The following ZNF680 variants were observed in gnomAD, a reference collection of about 807,000 sequenced individuals.
ZNF680 encodes the protein zinc finger protein 680.
A neutral mutation model predicts 12.1 loss-of-function variants in ZNF680; 6 were observed. The observed-to-expected ratio is 0.49, with a 90% CI of 0.27 to 0.98. ZNF680 has a LOEUF of 0.98. Among genes scored for constraint, ZNF680 ranks in the 50% least tolerant of loss-of-function variants. The probability of loss-of-function intolerance (pLI) is 0.12; values close to 1 mark genes in which losing one functional copy is unlikely to be tolerated. For missense variants in ZNF680, 561 were observed against 616.3 expected (o/e 0.91, Z 0.95); for synonymous variants, 170 against 199.3 (o/e 0.85, Z 1.24).
chr7:64,549,274 T>G (rs1786945460), intron 1 of ZNF680, among the ~76,000 whole-genome samples: 1 of 152,132 alleles, frequency 6.6e-6, no homozygotes, highest in African/African-American at 2.4e-5. Flanking sequence ...GGTCATGGCT[T>G]TGGATACTCT....
At chr7:64,546,184 T>C (rs1203944939) in intron 1 of ZNF680, among the ~76,000 whole-genome samples, 1 of 152,196 alleles carries the variant, frequency 6.6e-6, no homozygotes, top group Non-Finnish European at 1.5e-5. Flanking sequence ...GACACAGCTC[T>C]TGATCTGAGA....
At chr7:64,537,186 T>C (rs1047567838) in intron 3 of ZNF680, among the ~76,000 whole-genome samples, 9 of 152,106 alleles carry the variant, frequency 5.9e-5, no homozygotes, top group African/African-American at 2.2e-4. Flanking sequence ...TCCAAAAATA[T>C]ATGAAAATGA....
At chr7:64,523,715 C>T (rs998971327) in intron 3 of ZNF680, among the ~76,000 whole-genome samples, 3 of 151,888 alleles carry the variant, frequency 2.0e-5, no homozygotes, top group Non-Finnish European at 4.4e-5. Context: ...AGATTGAGAC[C>T]ATCCTGGCTA....
chr7:64,519,296 C>G (rs1029378904), downstream of ZNF680, among the ~76,000 whole-genome samples: 4 of 151,832 alleles, frequency 2.6e-5, no homozygotes, highest in African/African-American at 9.7e-5. Flanking sequence ...ATGATACCAC[C>G]TCACTCCTGC....
At chr7:64,515,073 CAG>C (rs1554321330), downstream of ZNF680, among the ~76,000 whole-genome samples, 172 of 150,126 alleles carry the variant, frequency 1.1e-3, 1 homozygote, top group African/African-American at 4.0e-3. Flanking sequence ...CACACACACA[CAG>C]ACACACCCAC....
chr7:64,500,184 T>A, the ZNF680 span, among the ~76,000 whole-genome samples: 52 of 152,300 alleles, frequency 3.4e-4, no homozygotes, highest in East Asian at 6.4e-3. Context: ...TTAATTCTTA[T>A]ACCAAGGATG....
chr7:64,556,303 C>A (rs1237286933), intron 1 of ZNF680, among the ~76,000 whole-genome samples: 6 of 142,672 alleles, frequency 4.2e-5, no homozygotes, highest in Non-Finnish European at 6.2e-5. Flanking sequence ...TATATGAAAC[C>A]GAAAAAAAAC....
At position 64,522,223 on chromosome 7, in the gene ZNF680, A is replaced by G; in HGVS notation, c.531T>C (p.Thr177=). 1 of 1,612,552 alleles carries G rather than the reference A, an allele frequency of 6.2e-7. No individual in the cohort carries two copies. Among genetic ancestry groups the G allele is most frequent in the South Asian group, 1.1e-5 (1 of 90,998 alleles). ...CTTTACATTTGAAAACCTTCTTTCCAGTATTTCTTTTCTTATGACTGTTTG... is the reference window on the plus strand; with the variant it reads ...CTTTACATTTGAAAACCTTCTTTCCGGTATTTCTTTTCTTATGACTGTTTG... ...SNSNSHKKRN[T]GKKVFKCKEC... The change falls in exon 4 of 4, where the codon ACT becomes ACC. Residue 177 remains threonine (T), a synonymous_variant. Coordinates refer to ENST00000309683, the MANE Select transcript of ZNF680 (RefSeq NM_178558.5).
chr7:64,550,545 C>T (rs1319056926), intron 1 of ZNF680, among the ~76,000 whole-genome samples: 5 of 152,140 alleles, frequency 3.3e-5, no homozygotes, highest in Non-Finnish European at 7.3e-5. Flanking sequence ...TTTAGCAACA[C>T]GAGGAAAGAG....
At chr7:64,535,325 C>T (rs964335061) in intron 3 of ZNF680, among the ~76,000 whole-genome samples, 4 of 150,074 alleles carry the variant, frequency 2.7e-5, no homozygotes, top group African/African-American at 7.4e-5. Context: ...TTAATTATCA[C>T]GCCACTGCAA....
intron 3 of ZNF680, chr7:64,526,583 C>T (rs1791859386): frequency 5.1e-6 from 2 of 391,844 alleles, no homozygotes; most frequent in South Asian, 8.1e-5. Flanking sequence ...TGATGCTGGA[C>T]AGCATCATAA....
At chr7:64,558,580 A>G (rs1339887769) in intron 1 of ZNF680, among the ~76,000 whole-genome samples, 1 of 152,102 alleles carries the variant, frequency 6.6e-6, no homozygotes, top group South Asian at 2.1e-4. Flanking sequence ...AAATCTGGGG[A>G]CCCACAGGCA....
At chr7:64,515,336 A>AC (rs916641614), downstream of ZNF680, among the ~76,000 whole-genome samples, 142 of 148,408 alleles carry the variant, frequency 9.6e-4, no homozygotes, top group Admixed American at 2.7e-3. Context: ...TTAAACTAGC[A>AC]CCCCCCCCTA....
intron 3 of ZNF680, chr7:64,525,688 A>T (rs1252985375): frequency 5.4e-6 from 4 of 737,076 alleles, no homozygotes; most frequent in Non-Finnish European, 6.6e-6. Context: ...TGTGTTTTTG[A>T]CAAGTAAAAA....
intron 3 of ZNF680, among the ~76,000 whole-genome samples, chr7:64,531,253 A>T (rs1022155019): frequency 6.6e-6 from 1 of 152,168 alleles, no homozygotes; most frequent in Admixed American, 6.5e-5. Context: ...TCAATAAGTT[A>T]AAGAATATTG....
chr7:64,501,234 T>C, the ZNF680 span: 2 of 873,392 alleles, frequency 2.3e-6, no homozygotes, highest in Non-Finnish European at 1.9e-6. Context: ...GGATGTACAG[T>C]TGCCCAGCAC....
At chr7:64,499,470 C>T in the ZNF680 span, among the ~76,000 whole-genome samples, 4 of 152,170 alleles carry the variant, frequency 2.6e-5, no homozygotes, top group Admixed American at 1.3e-4. Flanking sequence ...ACAGGTAAGA[C>T]AGCTCAGGTG....
At chr7:64,533,023 G>A (rs1040638120) in intron 3 of ZNF680, among the ~76,000 whole-genome samples, 19 of 152,066 alleles carry the variant, frequency 1.2e-4, no homozygotes, top group African/African-American at 3.9e-4. Context: ...ATACCTCCAC[G>A]TAATAAAAGT....
At position 64,531,400 on chromosome 7, in the gene ZNF680, C is replaced by G. The variant is rs561025342; in HGVS notation, c.254-8900G>C. On this transcript the variant is annotated intron_variant, in intron 3 of 3. Transcript: ENST00000309683. The stretch of plus-strand genomic sequence containing the variant: ...CACGAGGTCAGGAGATCAAGACCAC[C>G]CTGGCTAACATGGGGAAACCCCGTC... Among the ~76,000 whole-genome samples the G allele has an allele frequency of 3.3e-5, 5 of 152,002 alleles. No homozygotes were observed. In the East Asian group the frequency reaches 7.8e-4, roughly 24 times the overall value.
Sources: allele counts gnomAD v4.1 joint callset (sites outside exome capture counted in the v4.1 genomes callset), GRCh38; gene constraint gnomAD v4.1.1; transcripts MANE v1.5; gene names NCBI Gene and HGNC (gene_info 2026-07-23, HGNC 2026-07-21).